Variants in ANKS1B observed in about 807,000 individuals in gnomAD.
The protein encoded by ANKS1B is ankyrin repeat and sterile alpha motif domain-containing protein 1B.
In ANKS1B, 36 loss-of-function variants were observed where a neutral mutation model predicts 148.3. The observed-to-expected ratio is 0.24, with a 90% CI of 0.19 to 0.32. ANKS1B has a LOEUF of 0.32. ANKS1B is among the 10% of genes least tolerant of loss of function. ANKS1B has a pLI of 1.00. For missense variants in ANKS1B, 1,157 were observed against 1,542.6 expected, an observed-to-expected ratio of 0.75 and a Z score of 4.19; for synonymous variants, 542 against 560.8, an observed-to-expected ratio of 0.97 and a Z score of 0.47.
intron 22 of ANKS1B, among the ~76,000 whole-genome samples, chr12:98,789,649 A>G (rs1287019036): frequency 6.6e-6 from 1 of 152,154 alleles, no homozygotes; most frequent in East Asian, 1.9e-4. Flanking sequence ...AAATAATCAA[A>G]CCAACTGCAA....
intron 12 of ANKS1B, among the ~76,000 whole-genome samples, chr12:99,312,758 T>C (rs1436109762): frequency 6.6e-6 from 1 of 151,718 alleles, no homozygotes; most frequent in Non-Finnish European, 1.5e-5. Context: ...GGAACAGGCA[T>C]AGAATGTTGG....
chr12:99,084,867 TG>T, intron 16 of ANKS1B, 57 bp downstream of exon 16: 1 of 1,368,458 alleles, frequency 7.3e-7, no homozygotes, highest in Non-Finnish European at 1.0e-6. Flanking sequence ...CTTGCATGCC[TG>T]GACTCAAAAT....
chr12:99,384,449 G>A (rs1275552378), intron 12 of ANKS1B, among the ~76,000 whole-genome samples: 2 of 152,118 alleles, frequency 1.3e-5, no homozygotes, highest in Non-Finnish European at 2.9e-5. Flanking sequence ...TTTATGCTAG[G>A]TACTGCCATC....
intron 10 of ANKS1B, among the ~76,000 whole-genome samples, chr12:99,491,019 A>G (rs1235234934): frequency 2.0e-5 from 3 of 152,248 alleles, no homozygotes; most frequent in Non-Finnish European, 2.9e-5. Context: ...GAGTGATTCC[A>G]TGAAGTAAGA....
At chr12:99,782,752 A>G (rs2064492110) in intron 4 of ANKS1B, among the ~76,000 whole-genome samples, 1 of 152,232 alleles carries the variant, frequency 6.6e-6, no homozygotes, top group Non-Finnish European at 1.5e-5. Flanking sequence ...GCTGATGGAT[A>G]TTCTGAGGTA....
intron 15 of ANKS1B, among the ~76,000 whole-genome samples, chr12:99,133,437 C>G (rs994879354): frequency 1.3e-5 from 2 of 152,128 alleles, no homozygotes; most frequent in Non-Finnish European, 2.9e-5. Flanking sequence ...GAAGAACCAT[C>G]CTTTCCTTTT....
chr12:99,968,471 T>G (rs1162549432), intron 1 of ANKS1B, among the ~76,000 whole-genome samples: 1 of 152,150 alleles, frequency 6.6e-6, no homozygotes, highest in African/African-American at 2.4e-5. Context: ...GGCAGGAGAA[T>G]GGCGTGAACC....
intron 4 of ANKS1B, 49 bp from the exon 5 acceptor site, chr12:99,782,146 G>C: frequency 7.0e-7 from 1 of 1,427,004 alleles, no homozygotes. Context: ...CATTTGGAAT[G>C]CTTACAGGTT....
intron 12 of ANKS1B, among the ~76,000 whole-genome samples, chr12:99,301,300 T>C (rs1323554203): frequency 6.6e-6 from 1 of 152,206 alleles, no homozygotes; most frequent in Non-Finnish European, 1.5e-5. Context: ...CACAGAAATG[T>C]TTACCAGCTC....
At chr12:99,966,180 G>A (rs1449097595) in intron 1 of ANKS1B, among the ~76,000 whole-genome samples, 1 of 152,156 alleles carries the variant, frequency 6.6e-6, no homozygotes, top group African/African-American at 2.4e-5. Flanking sequence ...AATGGGATCT[G>A]AGGAATAAAT....
chr12:99,586,817 T>TA (rs1012600520), intron 9 of ANKS1B, among the ~76,000 whole-genome samples: 2 of 152,108 alleles, frequency 1.3e-5, no homozygotes, highest in African/African-American at 4.8e-5. Flanking sequence ...GAACTCCCCT[T>TA]TATAAAACCA....
chr12:99,975,081 G>A (rs766996976), intron 1 of ANKS1B, among the ~76,000 whole-genome samples: 10 of 152,068 alleles, frequency 6.6e-5, no homozygotes, highest in Non-Finnish European at 1.5e-4. Context: ...ACCCTGGGGG[G>A]CAATGAGGCT....
intron 8 of ANKS1B, among the ~76,000 whole-genome samples, chr12:99,742,377 A>T (rs2060200265): frequency 6.6e-6 from 1 of 152,148 alleles, no homozygotes; most frequent in Non-Finnish European, 1.5e-5. Flanking sequence ...CAGAGTATTC[A>T]CACACAAAAA....
chr12:99,556,943 T>C (rs1323084123), intron 9 of ANKS1B, among the ~76,000 whole-genome samples: 1 of 152,204 alleles, frequency 6.6e-6, no homozygotes, highest in Non-Finnish European at 1.5e-5. Flanking sequence ...GAGAGTTCTG[T>C]AGATGTCTAT....
chr12:99,164,437 T>C (rs2077002027), intron 14 of ANKS1B, among the ~76,000 whole-genome samples: 1 of 152,104 alleles, frequency 6.6e-6, no homozygotes, highest in Admixed American at 6.6e-5. Context: ...TTTCCTTTTC[T>C]TCATTTTTGG....
At chr12:99,643,790 G>A (rs143053573) in intron 9 of ANKS1B, among the ~76,000 whole-genome samples, 65 of 152,242 alleles carry the variant, frequency 4.3e-4, no homozygotes, top group African/African-American at 1.4e-3. Flanking sequence ...CCATCTCAGC[G>A]TAATTCATCT....
chr12:99,094,020 G>A (rs1231778268), intron 15 of ANKS1B, among the ~76,000 whole-genome samples: 5 of 152,208 alleles, frequency 3.3e-5, no homozygotes, highest in Admixed American at 6.5e-5. Flanking sequence ...CTGAAATCTG[G>A]AAATGAGCTG....
intron 1 of ANKS1B, among the ~76,000 whole-genome samples, chr12:99,906,227 T>C (rs532760182): frequency 6.6e-6 from 1 of 152,152 alleles, no homozygotes; most frequent in Non-Finnish European, 1.5e-5. Context: ...CAGCCAGCAA[T>C]GAGGCAAGAA....
At chr12:99,046,196 C>A (rs893040307) in intron 17 of ANKS1B, among the ~76,000 whole-genome samples, 1 of 151,974 alleles carries the variant, frequency 6.6e-6, no homozygotes, top group Non-Finnish European at 1.5e-5. Context: ...ACCTTAAAAG[C>A]AAGACCTGAA....
Sources: allele counts gnomAD v4.1 joint callset (sites outside exome capture counted in the v4.1 genomes callset), GRCh38; gene constraint gnomAD v4.1.1; transcripts MANE v1.5; gene names NCBI Gene and HGNC (gene_info 2026-07-23, HGNC 2026-07-21).